The following CHMP4B variants were observed in gnomAD, a reference collection of about 807,000 sequenced individuals.
CHMP4B encodes charged multivesicular body protein 4B, also known as SNF7 homolog associated with Alix 1.
Under a neutral mutation model 25.1 loss-of-function variants are expected in CHMP4B, and 1 was observed. The observed-to-expected ratio is 0.04, with a 90% confidence interval of 0.01 to 0.19. The LOEUF (loss-of-function observed/expected upper bound fraction) is 0.19, where lower values mean the gene tolerates loss of function less well. Ranked by LOEUF, CHMP4B falls within the 10% of genes least tolerant of loss-of-function variation. The pLI is 1.00. For missense variants in CHMP4B, 151 were observed against 289.7 expected (o/e 0.52, Z 3.48); for synonymous variants, 101 against 115.6 (o/e 0.87, Z 0.81).
At chr20:33,829,591 A>T (rs573649934) in intron 1 of CHMP4B, among the ~76,000 whole-genome samples, 126 of 152,330 alleles carry the variant, frequency 8.3e-4, no homozygotes, top group Non-Finnish European at 1.5e-3. Context: ...TCAATTTCTT[A>T]TGTGAAACCA....
chr20:33,848,488 G>A lies in CHMP4B; in HGVS notation c.212G>A (p.Arg71His), dbSNP rs886863191. 1.6e-5 allele frequency: 26 copies of A among 1,614,076 alleles called. No homozygotes were observed. Among genetic ancestry groups the A allele is most frequent in the Non-Finnish European group, 2.1e-5 (25 of 1,180,050 alleles). Residue 71 changes from arginine (R) to histidine (H), a missense_variant, in exon 2 of 5, where the codon CGT becomes CAT. Arg to His is a conservative substitution (Grantham distance 29). This residue lies in a region of CHMP4B where 82 missense variants were observed against 208.3 expected (regional missense o/e 0.39). Coordinates refer to ENST00000217402, the MANE Select transcript of CHMP4B (RefSeq NM_176812.5). ...NKRAALQALKRKKRYEKQLAQ... is the reference protein window; with the variant it reads ...NKRAALQALKHKKRYEKQLAQ... ...GCAGCGGCCCTCCAGGCACTGAAGCGTAAGAAGAGGTATGAGAAGCAGCTG... is the reference window on the plus strand; with the variant it reads ...GCAGCGGCCCTCCAGGCACTGAAGCATAAGAAGAGGTATGAGAAGCAGCTG...
chr20:33,825,917 A>G (rs1012053871), intron 1 of CHMP4B, among the ~76,000 whole-genome samples: 2 of 152,310 alleles, frequency 1.3e-5, no homozygotes, highest in African/African-American at 4.8e-5. Context: ...CCTGCTTGGC[A>G]TCCTAGGGTG....
In CHMP4B at chr20:33,840,880, T is replaced by C. The variant is rs370047201; in HGVS notation, c.191-7587T>C. Among the ~76,000 whole-genome samples the C allele has an allele frequency of 3.3e-5, 5 of 152,194 alleles. No homozygotes were observed. In the East Asian group the frequency reaches 5.8e-4, roughly 18 times the overall value. On this transcript the variant is annotated intron_variant, in intron 1 of 4. Coordinates refer to ENST00000217402, the MANE Select transcript of CHMP4B (RefSeq NM_176812.5). ...CAATAACCCTATGAGGTGCGTGTTG[T>C]TATCATGAGGGTTATTAGTGAGATT...
intron 1 of CHMP4B, among the ~76,000 whole-genome samples, chr20:33,832,630 A>G (rs1349572305): frequency 6.6e-6 from 1 of 152,198 alleles, no homozygotes; most frequent in Non-Finnish European, 1.5e-5. Context: ...CTTCCTAGAA[A>G]TGACCAATTA....
intron 1 of CHMP4B, among the ~76,000 whole-genome samples, chr20:33,819,920 C>T (rs1978888012): frequency 6.6e-6 from 1 of 152,128 alleles, no homozygotes; most frequent in Non-Finnish European, 1.5e-5. Flanking sequence ...GTAATCCCAG[C>T]ACTTTGGGAG....
In CHMP4B at chr20:33,851,170, A is replaced by G. The variant is rs534411001; in HGVS notation, c.483+104A>G. 3.2e-5 allele frequency: 25 copies of G among 789,370 alleles called. No homozygotes were observed. The South Asian group carries it at 3.3e-4, about 11-fold the overall frequency. The allele number at this position is 789,370 out of a possible 1,614,324, so 48.9% of individuals were successfully genotyped here. ...TCAGGCAGGGAGCATTTGGACTTGG[A>G]CAGAGACAGGGCATGGTGTTAACCC... On this transcript the variant is annotated intron_variant, in intron 3 of 4. Coordinates refer to ENST00000217402, the MANE Select transcript of CHMP4B (RefSeq NM_176812.5).
At chr20:33,823,387 A>G (rs1469124811) in intron 1 of CHMP4B, among the ~76,000 whole-genome samples, 2 of 151,726 alleles carry the variant, frequency 1.3e-5, no homozygotes, top group Non-Finnish European at 2.9e-5. Flanking sequence ...TGTGTTTGAT[A>G]TTCCATAGGA....
At chr20:33,812,364 T>C (rs917438747) in intron 1 of CHMP4B, among the ~76,000 whole-genome samples, 5 of 152,160 alleles carry the variant, frequency 3.3e-5, no homozygotes, top group Non-Finnish European at 7.4e-5. Context: ...TACCAAAGTT[T>C]CCCGTGGCGC....
At position 33,847,502 on chromosome 20, in the gene CHMP4B, A is replaced by G. The variant is rs1385222563; in HGVS notation, c.191-965A>G. 2.0e-5 allele frequency among the ~76,000 whole-genome samples: 3 copies of G among 152,182 alleles called. No individual in the cohort carries two copies. The East Asian group carries it at 5.8e-4, about 29-fold the overall frequency. ...GAGTGGAACTGAGACCGTGAGGGGA[A>G]GGAAATCTGGGTTTCAAGTTGGGAG... is the stretch of plus-strand genomic sequence containing the variant. On this transcript the variant is annotated intron_variant, in intron 1 of 4. Coordinates refer to ENST00000217402, the MANE Select transcript of CHMP4B (RefSeq NM_176812.5).
chr20:33,815,839 T>C lies in CHMP4B; in HGVS notation c.190+4181T>C, dbSNP rs916220597. On this transcript the variant is annotated intron_variant, in intron 1 of 4. Coordinates refer to ENST00000217402, the MANE Select transcript of CHMP4B (RefSeq NM_176812.5). ...CATCTTGTGTTGTTTACTCCCATGATGACTAAGGGTGTCATCATGACCATC... is the reference window on the plus strand; with the variant it reads ...CATCTTGTGTTGTTTACTCCCATGACGACTAAGGGTGTCATCATGACCATC... 3.3e-5 allele frequency among the ~76,000 whole-genome samples: 5 copies of C among 152,348 alleles called. No individual in the cohort carries two copies. The East Asian group carries it at 9.6e-4, about 29-fold the overall frequency.
At chr20:33,835,796 C>T (rs1448552941) in intron 1 of CHMP4B, among the ~76,000 whole-genome samples, 1 of 152,204 alleles carries the variant, frequency 6.6e-6, no homozygotes, top group East Asian at 1.9e-4. Context: ...CTGGCGAGGG[C>T]TCAGGCTGCA....
intron 1 of CHMP4B, among the ~76,000 whole-genome samples, chr20:33,815,772 C>T (rs775121252): frequency 6.6e-6 from 1 of 152,190 alleles, no homozygotes; most frequent in East Asian, 1.9e-4. Context: ...AGGCTCACGA[C>T]GGGACGAACT....
At chr20:33,850,772 A>G (rs1268518760) in intron 2 of CHMP4B, among the ~76,000 whole-genome samples, 180 bp from the exon 3 acceptor site, 1 of 152,150 alleles carries the variant, frequency 6.6e-6, no homozygotes, top group Non-Finnish European at 1.5e-5. Context: ...TGAGTCTATG[A>G]TTCTCTATTT....
chr20:33,853,665 C>T lies in CHMP4B; in HGVS notation c.*105C>T, dbSNP rs990962199. On this transcript the variant is annotated 3_prime_UTR_variant, in exon 5 of 5. Transcript: ENST00000217402. ...AGGATGTGGTGCAGGCAGGTTCCAT[C>T]GCTTTCGACTCTCACTCCAAAGCAG... The T allele has an allele frequency of 6.5e-5, 64 of 980,976 alleles. No homozygotes were observed. In the Admixed American group the frequency reaches 1.0e-3, roughly 16 times the overall value. 60.8% of individuals were successfully genotyped at this position (980,976 alleles called of 1,614,324 possible). A position where few individuals can be genotyped will look rare whatever the true frequency, so the allele number is the denominator to read the frequency against.
At chr20:33,824,189 T>G (rs1235454523) in intron 1 of CHMP4B, among the ~76,000 whole-genome samples, 1 of 152,178 alleles carries the variant, frequency 6.6e-6, no homozygotes, top group Non-Finnish European at 1.5e-5. Flanking sequence ...AGATTATGGT[T>G]TTTAGCCCCA....
intron 1 of CHMP4B, among the ~76,000 whole-genome samples, chr20:33,838,779 G>A (rs1479335001): frequency 6.6e-6 from 1 of 152,108 alleles, no homozygotes; most frequent in Non-Finnish European, 1.5e-5. Context: ...CTGGCTCTGA[G>A]TTATCTTGAT....
chr20:33,838,350 A>G (rs913853613), intron 1 of CHMP4B, among the ~76,000 whole-genome samples: 12 of 152,184 alleles, frequency 7.9e-5, no homozygotes, highest in African/African-American at 2.4e-4. Context: ...GTGTCCAGGT[A>G]GAAGTTGGTG....
chr20:33,840,742 T>C (rs1274748641), intron 1 of CHMP4B, among the ~76,000 whole-genome samples: 1 of 152,236 alleles, frequency 6.6e-6, no homozygotes, highest in Non-Finnish European at 1.5e-5. Flanking sequence ...CGGTGTTTTC[T>C]TCCTATCAAA....
chr20:33,817,571 A>G lies in CHMP4B; in HGVS notation c.190+5913A>G, dbSNP rs1978817155. On this transcript the variant is annotated intron_variant, in intron 1 of 4. Coordinates refer to ENST00000217402, the MANE Select transcript of CHMP4B (RefSeq NM_176812.5). ...CTATGAAGATGTGTGCGAGCCAGCCATCTCCGAGGCGTAAAGCCAGGACCT... is the reference window on the plus strand; with the variant it reads ...CTATGAAGATGTGTGCGAGCCAGCCGTCTCCGAGGCGTAAAGCCAGGACCT... Among the ~76,000 whole-genome samples the G allele has an allele frequency of 2.6e-5, 4 of 152,214 alleles. No homozygotes were observed. In the South Asian group the frequency reaches 8.3e-4, roughly 32 times the overall value.
Sources: gnomAD v4.1 joint callset for allele counts (sites outside exome capture counted in the v4.1 genomes callset) on GRCh38, gnomAD v4.1.1 for gene constraint, gnomAD v4.1.1 regional missense constraint, MANE v1.5 for transcripts, NCBI Gene and HGNC (gene_info 2026-07-23, HGNC 2026-07-21) for gene names.